ZNF148: variants seen among roughly 807,000 people sequenced by gnomAD.
ZNF148 encodes the protein zinc finger protein 148.
ZNF148 carries 7 observed loss-of-function variants against 67.7 expected under a neutral mutation model. The observed-to-expected ratio is 0.10, with a 90% CI of 0.06 to 0.19. The LOEUF (loss-of-function observed/expected upper bound fraction) is 0.19, where lower values mean the gene tolerates loss of function less well. Ranked by LOEUF, ZNF148 falls within the 10% of genes least tolerant of loss-of-function variation. ZNF148 has a pLI of 1.00. For synonymous variants in ZNF148, 333 were observed against 330.7 expected (o/e 1.01, Z -0.08); for missense variants, 583 against 947.1 (o/e 0.62, Z 5.05).
chr3:125,328,293 G>C (rs1399164085), intron 2 of ZNF148, among the ~76,000 whole-genome samples: 1 of 152,032 alleles, frequency 6.6e-6, no homozygotes, highest in Non-Finnish European at 1.5e-5. Context: ...CTCAGCCATG[G>C]AAGATGAGAT....
intron 4 of ZNF148, among the ~76,000 whole-genome samples, chr3:125,288,793 C>T (rs1331800832): frequency 6.6e-6 from 1 of 152,116 alleles, no homozygotes; most frequent in Admixed American, 6.5e-5. Flanking sequence ...TCAGCCAGTA[C>T]TTTCCTGGGC....
chr3:125,266,009 CAAG>C (rs1387469337), intron 7 of ZNF148, among the ~76,000 whole-genome samples: 1 of 152,086 alleles, frequency 6.6e-6, no homozygotes, highest in Non-Finnish European at 1.5e-5. Context: ...TTCAATTCAA[CAAG>C]AAGACTTAAC....
intron 7 of ZNF148, among the ~76,000 whole-genome samples, chr3:125,236,652 G>C (rs577784586): frequency 6.6e-6 from 1 of 152,244 alleles, no homozygotes; most frequent in Admixed American, 6.5e-5. Context: ...AAACTTTCAG[G>C]AATGTAACTT....
At chr3:125,298,226 C>T (rs976808943) in intron 4 of ZNF148, among the ~76,000 whole-genome samples, 10 of 151,998 alleles carry the variant, frequency 6.6e-5, no homozygotes, top group African/African-American at 2.4e-4. Context: ...AGCAGTTACA[C>T]GAGATGTTCA....
At chr3:125,349,448 C>T (rs933837234) in intron 1 of ZNF148, among the ~76,000 whole-genome samples, 2 of 152,152 alleles carry the variant, frequency 1.3e-5, no homozygotes, top group Admixed American at 1.3e-4. Flanking sequence ...TCAAAGACAA[C>T]ATACACAAGG....
intron 4 of ZNF148, among the ~76,000 whole-genome samples, chr3:125,295,717 G>C (rs1408275869): frequency 2.0e-5 from 3 of 152,046 alleles, no homozygotes; most frequent in African/African-American, 2.4e-5. Flanking sequence ...AAATCTCATA[G>C]GATTTTTACA....
chr3:125,278,463 GTTT>G (rs1938192582), intron 6 of ZNF148, among the ~76,000 whole-genome samples: 1 of 152,118 alleles, frequency 6.6e-6, no homozygotes, highest in Admixed American at 6.5e-5. Context: ...CCCACTTGCG[GTTT>G]AACCCTTATA....
At chr3:125,291,077 G>A (rs1449816194) in intron 4 of ZNF148, among the ~76,000 whole-genome samples, 1 of 152,008 alleles carries the variant, frequency 6.6e-6, no homozygotes, top group Non-Finnish European at 1.5e-5. Flanking sequence ...TTTCACTACA[G>A]TTGCAAATTT....
At chr3:125,288,000 G>A (rs1208574654) in intron 5 of ZNF148, 103 bp downstream of exon 5, 2 of 1,534,548 alleles carry the variant, frequency 1.3e-6, no homozygotes, top group African/African-American at 1.4e-5. Context: ...AACCACACAA[G>A]ACTTCTACAT....
At chr3:125,357,467 C>A (rs555582254) in intron 1 of ZNF148, among the ~76,000 whole-genome samples, 15 of 152,364 alleles carry the variant, frequency 9.8e-5, no homozygotes, top group Non-Finnish European at 1.5e-4. Flanking sequence ...GTCCTCCCCC[C>A]CTTCCAGGGC....
chr3:125,231,592 T>C lies in ZNF148; in HGVS notation c.*749A>G, dbSNP rs973963820. 6.6e-6 allele frequency: 1 copy of C among 152,524 alleles called. No individual in the cohort carries two copies. The highest frequency in any genetic ancestry group is 1.5e-5 in the Non-Finnish European group (1 of 67,966). The allele number at this position is 152,524 out of a possible 1,614,324, so 9.4% of individuals were successfully genotyped here. On this transcript the variant is annotated 3_prime_UTR_variant, in exon 9 of 9. Transcript: ENST00000360647. Reference sequence around the variant, plus strand: ...TGAAAAATCATAAAAAATATCTAAGTACAACTGTACAAAGAAACTGACACC... The same window carrying C: ...TGAAAAATCATAAAAAATATCTAAGCACAACTGTACAAAGAAACTGACACC...
chr3:125,267,581 CAAT>C (rs138061467), intron 7 of ZNF148, among the ~76,000 whole-genome samples: 45,291 of 151,758 alleles, frequency 0.3, 7,159 homozygotes, highest in Middle Eastern at 0.36. Context: ...ACATACCTCA[CAAT>C]AATAAGAGCC....
chr3:125,272,168 C>T (rs1937779186), intron 7 of ZNF148, among the ~76,000 whole-genome samples: 1 of 152,138 alleles, frequency 6.6e-6, no homozygotes, highest in South Asian at 2.1e-4. Flanking sequence ...ATGAAGACAC[C>T]AATCTGAATT....
chr3:125,239,284 T>C (rs1936237594), intron 7 of ZNF148, among the ~76,000 whole-genome samples: 1 of 152,138 alleles, frequency 6.6e-6, no homozygotes, highest in Non-Finnish European at 1.5e-5. Context: ...ATGTATCAGA[T>C]AAGGAACGTG....
At chr3:125,354,578 C>T (rs568175323) in intron 1 of ZNF148, among the ~76,000 whole-genome samples, 5 of 152,314 alleles carry the variant, frequency 3.3e-5, no homozygotes, top group African/African-American at 1.2e-4. Flanking sequence ...GGGGGTCTTG[C>T]TATAACAGAT....
chr3:125,250,301 A>T (rs1936782385), intron 7 of ZNF148, among the ~76,000 whole-genome samples: 1 of 152,166 alleles, frequency 6.6e-6, no homozygotes, highest in Non-Finnish European at 1.5e-5. Context: ...TACCTTGATG[A>T]GGCTAGGGAG....
At chr3:125,256,144 A>G (rs541099619) in intron 7 of ZNF148, among the ~76,000 whole-genome samples, 1 of 151,980 alleles carries the variant, frequency 6.6e-6, no homozygotes, top group South Asian at 2.1e-4. Context: ...CGGGTGGATC[A>G]CGAGGTCAGG....
At chr3:125,329,107 A>G (rs1398639261) in intron 2 of ZNF148, among the ~76,000 whole-genome samples, 2 of 150,916 alleles carry the variant, frequency 1.3e-5, no homozygotes, top group African/African-American at 4.8e-5. Flanking sequence ...CGATGTTATA[A>G]CATTCTCTAT....
At position 125,229,930 on chromosome 3, in the gene ZNF148, A is replaced by AT. The variant is rs781683897; in HGVS notation, c.*2410dup. On this transcript the variant is annotated 3_prime_UTR_variant, in exon 9 of 9. Transcript: ENST00000360647. ...ATGACTATACGTAAATGGTAAGTCA[A>AT]TAAGTTATGCTGGCTGAGTATCACT... is the stretch of plus-strand genomic sequence containing the variant. The AT allele has an allele frequency of 9.8e-5, 15 of 152,606 alleles. No homozygotes were observed. Among genetic ancestry groups the AT allele is most frequent in the Non-Finnish European group, 1.6e-4 (11 of 68,030 alleles). 9.5% of individuals were successfully genotyped at this position (152,606 alleles called of 1,614,324 possible).
Sources: allele counts gnomAD v4.1 joint callset (sites outside exome capture counted in the v4.1 genomes callset), GRCh38; gene constraint gnomAD v4.1.1; transcripts MANE v1.5; gene names NCBI Gene and HGNC (gene_info 2026-07-23, HGNC 2026-07-21).